CNTLN: variants seen among roughly 807,000 people sequenced by gnomAD.
CNTLN encodes the protein centlein.
CNTLN carries 212 observed loss-of-function variants against 180.0 expected under a neutral mutation model. The ratio of observed to expected loss-of-function variants is 1.18; its 90% CI spans 1.05 to 1.32. CNTLN has a LOEUF of 1.32. Among genes scored for constraint, CNTLN ranks in the 40% most tolerant of loss-of-function variants. The pLI is 0.00. For missense variants in CNTLN, 2,095 were observed against 1,610.9 expected, an observed-to-expected ratio of 1.30 and a Z score of -5.14; for synonymous variants, 722 against 563.1, an observed-to-expected ratio of 1.28 and a Z score of -3.99.
intron 2 of CNTLN, among the ~76,000 whole-genome samples, chr9:17,148,269 C>G (rs1027974891): frequency 1.3e-5 from 2 of 152,134 alleles, no homozygotes; most frequent in African/African-American, 2.4e-5. Flanking sequence ...ACAGACAATT[C>G]TAGTTATTAA....
chr9:17,336,480 A>C (rs1219361756), intron 10 of CNTLN, among the ~76,000 whole-genome samples: 2 of 152,202 alleles, frequency 1.3e-5, no homozygotes, highest in East Asian at 3.8e-4. Context: ...CATGATTTAC[A>C]CTTTGACAGC....
At position 17,457,594 on chromosome 9, in the gene CNTLN, C is replaced by G. The variant is rs776703673; in HGVS notation, c.3185C>G (p.Ser1062Cys). The change falls in exon 19 of 26, where the codon TCT (serine) becomes TGT (cysteine). Residue 1062 changes from serine to cysteine, a missense_variant. Ser to Cys is a moderately radical substitution (Grantham distance 112). Transcript: ENST00000380647. Reference protein sequence around the residue: ...EDLLKKLESSSEITSLAEENS... With the variant: ...EDLLKKLESSCEITSLAEENS... Reference sequence around the variant, plus strand: ...TTACTAAAGAAATTGGAGTCCTCATCTGAAATCACAAGTTTGGCAGAAGAA... The same window carrying G: ...TTACTAAAGAAATTGGAGTCCTCATGTGAAATCACAAGTTTGGCAGAAGAA... The G allele has an allele frequency of 2.0e-5, 31 of 1,562,894 alleles. No homozygotes were observed. In the African/African-American group the frequency reaches 4.0e-4, roughly 20 times the overall value.
At chr9:17,290,658 G>A (rs982909267) in intron 6 of CNTLN, among the ~76,000 whole-genome samples, 7 of 149,580 alleles carry the variant, frequency 4.7e-5, no homozygotes, top group African/African-American at 1.5e-4. Context: ...AGCAATCAGC[G>A]AGACTCCGTG....
chr9:17,146,287 C>G (rs1818456074), intron 2 of CNTLN, among the ~76,000 whole-genome samples: 2 of 151,956 alleles, frequency 1.3e-5, no homozygotes, highest in Non-Finnish European at 2.9e-5. Flanking sequence ...TCTCTCTTTT[C>G]TCTCTTATCT....
chr9:17,154,204 AG>A (rs1411866131), intron 2 of CNTLN, among the ~76,000 whole-genome samples: 1 of 152,150 alleles, frequency 6.6e-6, no homozygotes, highest in Non-Finnish European at 1.5e-5. Context: ...CTTGCTGGCG[AG>A]GAGTTGTCAT....
intron 5 of CNTLN, among the ~76,000 whole-genome samples, chr9:17,249,907 G>A (rs1278379843): frequency 6.8e-6 from 1 of 146,910 alleles, no homozygotes; most frequent in Non-Finnish European, 1.5e-5. Context: ...AGTATGTAAT[G>A]TTGTTTAAGC....
chr9:17,301,332 C>T (rs961440242), intron 7 of CNTLN: 1 of 985,164 alleles, frequency 1.0e-6, no homozygotes, highest in Non-Finnish European at 1.2e-6. Flanking sequence ...TTTATCCCTT[C>T]CAAGAATCAT....
intron 23 of CNTLN, among the ~76,000 whole-genome samples, chr9:17,473,607 C>CAA (rs200603583): frequency 8.9e-5 from 13 of 145,628 alleles, no homozygotes; most frequent in Non-Finnish European, 5.9e-5. Context: ...AAAAAAAAAA[C>CAA]AAAACAAAAA....
intron 14 of CNTLN, among the ~76,000 whole-genome samples, chr9:17,392,574 G>T (rs1449960863): frequency 6.6e-6 from 1 of 152,120 alleles, no homozygotes; most frequent in Non-Finnish European, 1.5e-5. Context: ...ATATGCAGAA[G>T]TCTACAATAG....
intron 18 of CNTLN, among the ~76,000 whole-genome samples, chr9:17,452,762 G>T (rs1390518047): frequency 6.6e-6 from 1 of 152,128 alleles, no homozygotes; most frequent in African/African-American, 2.4e-5. Flanking sequence ...CAAATGTCAA[G>T]TTGGGGCCAC....
chr9:17,219,677 C>T (rs1824002470), intron 2 of CNTLN, among the ~76,000 whole-genome samples: 1 of 151,950 alleles, frequency 6.6e-6, no homozygotes, highest in South Asian at 2.1e-4. Context: ...ATTTTGGTGA[C>T]TCTCACACTT....
intron 10 of CNTLN, among the ~76,000 whole-genome samples, chr9:17,333,986 T>TA (rs1564003167): frequency 6.6e-6 from 1 of 152,184 alleles, no homozygotes. Flanking sequence ...GTGTTAATTG[T>TA]AAATGTGTGG....
rs78244354 is a variant in CNTLN, at chr9:17,303,047, G to T, written c.1146+4695G>T. On this transcript the variant is annotated intron_variant, in intron 7 of 25. Coordinates refer to ENST00000380647, the MANE Select transcript of CNTLN (RefSeq NM_017738.4). The stretch of plus-strand genomic sequence containing the variant: ...GCTTTTGCCTGATTGTTTAAGCCTC[G>T]CACCAACCTGATGTGGTATTGTTAT... Among the ~76,000 whole-genome samples, 4 of 152,182 alleles carry T rather than the reference G, an allele frequency of 2.6e-5. No homozygotes were observed. The East Asian group carries it at 5.8e-4, about 22-fold the overall frequency.
intron 18 of CNTLN, among the ~76,000 whole-genome samples, chr9:17,423,273 T>C (rs1828853507): frequency 1.3e-5 from 2 of 152,160 alleles, no homozygotes; most frequent in Admixed American, 1.3e-4. Context: ...CAGCAGGTAA[T>C]GAATCGTGCC....
At chr9:17,396,621 CT>C (rs1826547214) in intron 15 of CNTLN, among the ~76,000 whole-genome samples, 1 of 152,112 alleles carries the variant, frequency 6.6e-6, no homozygotes, top group South Asian at 2.1e-4. Context: ...TGAAAATTAC[CT>C]TAAAATGTGG....
chr9:17,155,878 G>A (rs987232754), intron 2 of CNTLN, among the ~76,000 whole-genome samples: 6 of 152,200 alleles, frequency 3.9e-5, no homozygotes, highest in Non-Finnish European at 8.8e-5. Context: ...GGTAGGCACT[G>A]GAGGGAATCT....
intron 13 of CNTLN, among the ~76,000 whole-genome samples, chr9:17,378,489 C>G: frequency 6.6e-6 from 1 of 152,026 alleles, no homozygotes; most frequent in Non-Finnish European, 1.5e-5. Context: ...TTCTTTTGTT[C>G]TTTCTTACAT....
At chr9:17,349,288 C>T (rs1822171677) in intron 12 of CNTLN, among the ~76,000 whole-genome samples, 1 of 152,120 alleles carries the variant, frequency 6.6e-6, no homozygotes, top group Non-Finnish European at 1.5e-5. Context: ...TTTCTATGGG[C>T]CAGGCAGTCT....
chr9:17,493,616 C>T (rs1243278242), intron 25 of CNTLN, among the ~76,000 whole-genome samples: 2 of 152,164 alleles, frequency 1.3e-5, no homozygotes, highest in Non-Finnish European at 2.9e-5. Context: ...TTAGCAAGAA[C>T]ATTTTTCATC....
Sources: gnomAD v4.1 joint callset for allele counts (sites outside exome capture counted in the v4.1 genomes callset) on GRCh38, gnomAD v4.1.1 for gene constraint, MANE v1.5 for transcripts, NCBI Gene and HGNC (gene_info 2026-07-23, HGNC 2026-07-21) for gene names.